The following MAP3K5 variants were observed in gnomAD, a reference collection of about 807,000 sequenced individuals.
MAP3K5 encodes the protein ASK-1.
Under a neutral mutation model 158.7 loss-of-function variants are expected in MAP3K5, and 56 were observed. The ratio of observed to expected loss-of-function variants is 0.35; its 90% CI spans 0.28 to 0.44. The LOEUF (loss-of-function observed/expected upper bound fraction) is 0.44. MAP3K5 is among the 20% of genes least tolerant of loss of function. MAP3K5 has a pLI of 1.00. For synonymous variants in MAP3K5, 579 were observed against 601.7 expected (o/e 0.96, Z 0.55); for missense variants, 1,294 against 1,674.8 (o/e 0.77, Z 3.97).
intron 1 of MAP3K5, among the ~76,000 whole-genome samples, chr6:136,760,672 C>T (rs1436482599): frequency 6.6e-6 from 1 of 152,120 alleles, no homozygotes. Flanking sequence ...GATTAGTGCC[C>T]TTATAAAACA....
At chr6:136,768,080 G>C (rs1279687688) in intron 1 of MAP3K5, among the ~76,000 whole-genome samples, 1 of 152,192 alleles carries the variant, frequency 6.6e-6, no homozygotes, top group Non-Finnish European at 1.5e-5. Flanking sequence ...TGACCTAACT[G>C]TAAGAGCAAA....
intron 2 of MAP3K5, among the ~76,000 whole-genome samples, chr6:136,709,150 T>C (rs537686715): frequency 6.6e-6 from 1 of 152,348 alleles, no homozygotes; most frequent in Admixed American, 6.5e-5. Context: ...ACATCATGAC[T>C]TCCTCGCGTG....
intron 25 of MAP3K5, among the ~76,000 whole-genome samples, chr6:136,573,352 A>T (rs905769099): frequency 3.3e-5 from 5 of 152,230 alleles, no homozygotes; most frequent in African/African-American, 1.2e-4. Flanking sequence ...CTTTGGAGTC[A>T]GACTGATTAT....
At chr6:136,745,317 T>C (rs1782890282) in intron 1 of MAP3K5, among the ~76,000 whole-genome samples, 1 of 152,132 alleles carries the variant, frequency 6.6e-6, no homozygotes, top group Admixed American at 6.5e-5. Context: ...CAACACAAAT[T>C]GTTGGGAAGA....
At chr6:136,584,885 G>C (rs187697251) in intron 23 of MAP3K5, among the ~76,000 whole-genome samples, 1 of 152,090 alleles carries the variant, frequency 6.6e-6, no homozygotes, top group African/African-American at 2.4e-5. Context: ...ATTGCTATGC[G>C]TGTCTACCTA....
intron 14 of MAP3K5, chr6:136,636,858 G>C: frequency 1.0e-6 from 1 of 987,996 alleles, no homozygotes; most frequent in Non-Finnish European, 1.2e-6. Flanking sequence ...AAGGATTCCA[G>C]TTGAGAGGAA....
chr6:136,677,539 C>CCA (rs1212000423), intron 7 of MAP3K5, among the ~76,000 whole-genome samples: 2 of 152,168 alleles, frequency 1.3e-5, no homozygotes, highest in Admixed American at 6.5e-5. Flanking sequence ...CCTGTTCATG[C>CCA]CACATGTCTG....
intron 11 of MAP3K5, among the ~76,000 whole-genome samples, chr6:136,644,919 T>C (rs1321697062): frequency 6.6e-6 from 1 of 152,136 alleles, no homozygotes; most frequent in Admixed American, 6.5e-5. Flanking sequence ...AGAATCCTGA[T>C]GCTGAAACTA....
chr6:136,620,679 T>C (rs1356548032), intron 15 of MAP3K5, among the ~76,000 whole-genome samples: 1 of 152,246 alleles, frequency 6.6e-6, no homozygotes, highest in Non-Finnish European at 1.5e-5. Flanking sequence ...TAACCATCTA[T>C]TAAATAATCC....
At chr6:136,616,625 A>C (rs1776576957) in intron 15 of MAP3K5, among the ~76,000 whole-genome samples, 1 of 151,802 alleles carries the variant, frequency 6.6e-6, no homozygotes, top group Non-Finnish European at 1.5e-5. Flanking sequence ...CTCTTGATAT[A>C]GATTAGTGGC....
chr6:136,610,449 G>A (rs61478418), intron 18 of MAP3K5, among the ~76,000 whole-genome samples: 9 of 152,018 alleles, frequency 5.9e-5, no homozygotes, highest in African/African-American at 2.2e-4. Context: ...TTCCTCTTCT[G>A]AATTGAAATC....
At chr6:136,581,909 C>G (rs1432735100) in intron 24 of MAP3K5, among the ~76,000 whole-genome samples, 1 of 152,044 alleles carries the variant, frequency 6.6e-6, no homozygotes, top group African/African-American at 2.4e-5. Flanking sequence ...ATGGCAAAAC[C>G]CAATCTCTAC....
intron 1 of MAP3K5, among the ~76,000 whole-genome samples, chr6:136,734,089 TTTA>T (rs1312417181): frequency 6.6e-6 from 1 of 151,928 alleles, no homozygotes; most frequent in Non-Finnish European, 1.5e-5. Context: ...AACCGTAAAG[TTTA>T]TTATGTGACA....
chr6:136,683,059 A>AC (rs1415092770), intron 7 of MAP3K5, among the ~76,000 whole-genome samples: 1 of 152,226 alleles, frequency 6.6e-6, no homozygotes, highest in Non-Finnish European at 1.5e-5. Context: ...GAGCAGAAAA[A>AC]AATACAAAAT....
rs1486165249 is a variant in MAP3K5, at chr6:136,622,847, C to T, written c.2150+1G>A. On this transcript the variant is annotated splice_donor_variant, in intron 15 of 29. Coordinates refer to ENST00000359015, the MANE Select transcript of MAP3K5 (RefSeq NM_005923.4). LOFTEE classifies it high-confidence loss of function. ...GCTTTTAGTAGCTACAATTACTGTA[C>T]CTGCTGTCTCTCTCTGGGATTTCCT... The T allele has an allele frequency of 6.2e-7, 1 of 1,613,814 alleles. No homozygotes were observed. The highest frequency in any genetic ancestry group is 1.7e-5 in the Admixed American group (1 of 60,014).
intron 14 of MAP3K5, 50 bp from the exon 15 acceptor site, chr6:136,623,031 C>T: frequency 6.4e-7 from 1 of 1,574,336 alleles, no homozygotes; most frequent in South Asian, 1.1e-5. Context: ...GTTCATTCTA[C>T]ATTTCAAACA....
At chr6:136,578,987 A>C (rs1180349561) in intron 25 of MAP3K5, among the ~76,000 whole-genome samples, 1 of 152,010 alleles carries the variant, frequency 6.6e-6, no homozygotes, top group Non-Finnish European at 1.5e-5. Flanking sequence ...CCTGGGCAAC[A>C]GAGTGAGACT....
At chr6:136,715,125 A>G (rs1431467668) in intron 2 of MAP3K5, among the ~76,000 whole-genome samples, 1 of 152,220 alleles carries the variant, frequency 6.6e-6, no homozygotes, top group Non-Finnish European at 1.5e-5. Flanking sequence ...CATCACCACT[A>G]ACTGATGTGC....
At chr6:136,785,581 G>A (rs566988872) in intron 1 of MAP3K5, among the ~76,000 whole-genome samples, 29 of 152,120 alleles carry the variant, frequency 1.9e-4, no homozygotes, top group Non-Finnish European at 3.4e-4. Context: ...TGGGTCTTAC[G>A]TCGGCCAGAA....
Sources: gnomAD v4.1 joint callset for allele counts (sites outside exome capture counted in the v4.1 genomes callset) on GRCh38, gnomAD v4.1.1 for gene constraint, MANE v1.5 for transcripts, NCBI Gene and HGNC (gene_info 2026-07-23, HGNC 2026-07-21) for gene names.